EML2: variants seen among roughly 807,000 people sequenced by gnomAD.
The protein encoded by EML2 is EMAP like 2.
A neutral mutation model predicts 84.7 loss-of-function variants in EML2; 59 were observed. The ratio of observed to expected loss-of-function variants is 0.70; its 90% CI spans 0.56 to 0.86. The LOEUF (loss-of-function observed/expected upper bound fraction) is 0.86. Ranked by LOEUF, EML2 falls within the 40% of genes least tolerant of loss-of-function variation. EML2 has a pLI of 0.00. For missense variants in EML2, 818 were observed against 855.6 expected, an observed-to-expected ratio of 0.96 and a Z score of 0.55; for synonymous variants, 352 against 348.9, an observed-to-expected ratio of 1.01 and a Z score of -0.10.
At position 45,638,526 on chromosome 19, in the gene EML2, CAAG is replaced by C; in HGVS notation, c.155_157del (p.Ser52del). On this transcript the variant is annotated inframe_deletion, in exon 3 of 19. Transcript: ENST00000245925. Reference sequence around the variant, plus strand: ...ATACACCCACTCCAGCTTGAGCCGGCAAGAAGGCAGCTCCGAGCGTGTGTCCAG... The same window carrying C: ...ATACACCCACTCCAGCTTGAGCCGGCAAGGCAGCTCCGAGCGTGTGTCCAG... 1 of 1,614,038 alleles carries C rather than the reference CAAG, an allele frequency of 6.2e-7. No individual in the cohort carries two copies. Among genetic ancestry groups the C allele is most frequent in the South Asian group, 1.1e-5 (1 of 91,076 alleles).
At chr19:45,613,489 C>A in intron 18 of EML2, 52 bp downstream of exon 18, 1 of 1,598,100 alleles carries the variant, frequency 6.3e-7, no homozygotes, top group South Asian at 1.1e-5. Context: ...TGAATTTTGT[C>A]CCCACCCCTG....
intron 9 of EML2, 109 bp from the exon 10 acceptor site, chr19:45,621,746 C>T: frequency 7.9e-7 from 1 of 1,272,480 alleles, no homozygotes; most frequent in Non-Finnish European, 1.1e-6. Context: ...ACCCACTTTT[C>T]CACCTTTTTT....
chr19:45,628,846 AGT>A (rs757218707), intron 7 of EML2: 20,121 of 149,914 alleles, frequency 0.13, 1,414 homozygotes, highest in African/African-American at 0.17. Context: ...TAAGTAAGTA[AGT>A]AAGTAAGTAA....
Position 45,616,546 on chromosome 19 carries a change from A to T in EML2, c.1424T>A (p.Leu475Gln). The T allele has an allele frequency of 6.2e-7, 1 of 1,610,448 alleles. No homozygotes were observed. The highest frequency in any genetic ancestry group is 8.5e-7 in the Non-Finnish European group (1 of 1,177,582). The part of the protein sequence containing the change: ...VVSFSPDGAY[L>Q]AVGSHDNLVY... ...CAAGTTGTCGTGGGAGCCCACGGCC[A>T]GGTACGCCCCGTCTGGGGGAGGGGG... is the stretch of plus-strand genomic sequence containing the variant. Residue 475 changes from leucine to glutamine, a missense_variant, in exon 15 of 19, where the codon CTG (leucine) becomes CAG (glutamine). Physicochemically the swap from Leu to Gln is moderately radical, Grantham distance 113. Transcript: ENST00000245925.
Position 45,621,321 on chromosome 19 carries a change from G to A in EML2, c.1008C>T (p.Asp336=), listed in dbSNP as rs1224891311. The A allele has an allele frequency of 2.5e-6, 4 of 1,606,512 alleles. No homozygotes were observed. Among genetic ancestry groups the A allele is most frequent in the Non-Finnish European group, 3.4e-6 (4 of 1,174,948 alleles). ...CTGCCACGGTGCGCACAGGGCCAAA[G>A]TCCTCAGGGACCTGGGTGGACAGAT... is the stretch of plus-strand genomic sequence containing the variant. ...SKLQEVEVPE[D]FGPVRTVAEG... Residue 336 remains aspartate, a synonymous_variant, in exon 11 of 19, where the codon GAC becomes GAT. Coordinates refer to ENST00000245925, the MANE Select transcript of EML2 (RefSeq NM_012155.4).
At chr19:45,617,789 C>T in intron 12 of EML2, 92 bp from the exon 13 acceptor site, 1 of 1,129,906 alleles carries the variant, frequency 8.9e-7, no homozygotes, top group Admixed American at 2.3e-5. Flanking sequence ...CTAATCTTTG[C>T]ATGAGGGCTC....
At chr19:45,622,656 C>G (rs1482798023) in intron 9 of EML2, among the ~76,000 whole-genome samples, 1 of 152,166 alleles carries the variant, frequency 6.6e-6, no homozygotes, top group African/African-American at 2.4e-5. Context: ...GTCTCGAACT[C>G]TTTGACTCAA....
upstream of EML2, chr19:45,639,400 G>GGCCGGGGGTGGA (rs1974179801): frequency 8.0e-7 from 1 of 1,256,600 alleles, no homozygotes; most frequent in East Asian, 3.2e-5. Flanking sequence ...GGAGCTTCGG[G>GGCCGGGGGTGGA]GCCGGGGGTG....
intron 9 of EML2, among the ~76,000 whole-genome samples, chr19:45,623,135 G>A (rs1264532190): frequency 1.3e-5 from 2 of 150,946 alleles, no homozygotes; most frequent in Non-Finnish European, 2.9e-5. Context: ...CGAGGTGGGC[G>A]GATCACGAGG....
intron 7 of EML2, 146 bp downstream of exon 7, chr19:45,629,805 C>T (rs950842655): frequency 1.5e-6 from 1 of 648,260 alleles, no homozygotes; most frequent in Non-Finnish European, 2.8e-6. Flanking sequence ...TCTGAGGTGG[C>T]AAGCGGCTTG....
upstream of EML2, chr19:45,642,023 C>T: frequency 2.1e-6 from 3 of 1,443,400 alleles, no homozygotes; most frequent in South Asian, 4.4e-5. Context: ...GGTGGGAAGG[C>T]CTTTCAAGAG....
intron 3 of EML2, among the ~76,000 whole-genome samples, chr19:45,637,662 CTTTTCTTTTTTTTTTTT>C (rs1973909020): frequency 1.3e-4 from 6 of 45,800 alleles, no homozygotes; most frequent in Non-Finnish European, 2.5e-4. Context: ...TTTTCTTTTT[CTTTTCTTTTTTTTTTTT>C]TTTTTTTTTT....
chr19:45,645,176 G>T (rs1974935736), upstream of EML2: 4 of 1,337,294 alleles, frequency 3.0e-6, no homozygotes, highest in African/African-American at 4.4e-5. Flanking sequence ...TCTTCAGCAA[G>T]GGAGGGGGTT....
intron 18 of EML2, among the ~76,000 whole-genome samples, chr19:45,613,162 G>T (rs1334429745): frequency 6.6e-6 from 1 of 152,168 alleles, no homozygotes; most frequent in Non-Finnish European, 1.5e-5. Flanking sequence ...GCTTTGCAAA[G>T]TGTTGCGATT....
At chr19:45,624,046 C>T (rs1176784860) in intron 9 of EML2, among the ~76,000 whole-genome samples, 1 of 152,208 alleles carries the variant, frequency 6.6e-6, no homozygotes, top group African/African-American at 2.4e-5. Flanking sequence ...TTCACCCAAC[C>T]ATTGGCTAAG....
chr19:45,626,294 G>A (rs1296114440), intron 8 of EML2, among the ~76,000 whole-genome samples: 1 of 151,368 alleles, frequency 6.6e-6, no homozygotes, highest in African/African-American at 2.4e-5. Flanking sequence ...TTACAGGCGA[G>A]AGCCACCTTG....
rs186371225 is a variant in EML2, at chr19:45,628,153, C to T, written c.607-1314G>A. 7.7e-4 allele frequency among the ~76,000 whole-genome samples: 117 copies of T among 151,006 alleles called. 1 individual carries two copies. Among genetic ancestry groups the T allele is most frequent in the African/African-American group, 2.6e-3 (108 of 41,116 alleles). ...TTGGGAGGCCGAGGCAGGCGGATCACGAGGTCAGGAGTTCGAGACTGGCCT... is the reference window on the plus strand; with the variant it reads ...TTGGGAGGCCGAGGCAGGCGGATCATGAGGTCAGGAGTTCGAGACTGGCCT... On this transcript the variant is annotated intron_variant, in intron 7 of 18. Transcript: ENST00000245925.
intron 17 of EML2, among the ~76,000 whole-genome samples, chr19:45,613,907 G>A (rs1431581414): frequency 6.6e-6 from 1 of 152,106 alleles, no homozygotes; most frequent in Non-Finnish European, 1.5e-5. Context: ...GGCTCAGCAG[G>A]CCCCATGCAC....
chr19:45,621,637 C>T lies in EML2; in HGVS notation c.842G>A (p.Gly281Asp). ...CACCGCCTGTGTGATACGGTTCCCACCTGCAGGGTGGCCAGGGGCAGGGTC... is the reference window on the plus strand; with the variant it reads ...CACCGCCTGTGTGATACGGTTCCCATCTGCAGGGTGGCCAGGGGCAGGGTC... ...SGGNLYVWGKGGNRITQAVLG... is the reference protein window; with the variant it reads ...SGGNLYVWGKDGNRITQAVLG... The change falls in exon 10 of 19, where the codon GGT becomes GAT. Residue 281 changes from glycine (G) to aspartate (D), a missense_variant and splice_region_variant. Transcript: ENST00000245925. 6.2e-7 allele frequency: 1 copy of T among 1,606,706 alleles called. No homozygotes were observed. Among genetic ancestry groups the T allele is most frequent in the Non-Finnish European group, 8.5e-7 (1 of 1,179,414 alleles).
Sources: allele counts gnomAD v4.1 joint callset (sites outside exome capture counted in the v4.1 genomes callset), GRCh38; gene constraint gnomAD v4.1.1; transcripts MANE v1.5; gene names NCBI Gene and HGNC (gene_info 2026-07-23, HGNC 2026-07-21).